The following SAMMSON variants were observed in gnomAD, a reference collection of about 807,000 sequenced individuals.
The protein encoded by SAMMSON is long intergenic non-protein coding RNA 1212.
intron 4 of SAMMSON, among the ~76,000 whole-genome samples, chr3:70,194,708 G>A (rs936746509): frequency 1.3e-5 from 2 of 152,144 alleles, no homozygotes; most frequent in African/African-American, 4.8e-5. Flanking sequence ...ATTCACATTT[G>A]AAATGCACAA....
At chr3:70,361,453 G>A (rs973295162) in intron 9 of SAMMSON, among the ~76,000 whole-genome samples, 1 of 152,136 alleles carries the variant, frequency 6.6e-6, no homozygotes, top group Non-Finnish European at 1.5e-5. Flanking sequence ...CTTTGTTCAT[G>A]TTTCCAGAAA....
rs544343626 is a variant in SAMMSON at position 70,245,862 on chromosome 3, C to T, written n.508-3245C>T. Among the ~76,000 whole-genome samples the T allele has an allele frequency of 3.9e-4, 59 of 150,938 alleles. No homozygotes were observed. The East Asian group carries it at 6.2e-3, about 16-fold the overall frequency. ...TACTGATGGTGTTAAAAACAATCTC[C>T]GCAGAAGAGGGCTGCCATTGCCAAT... On this transcript the variant is annotated intron_variant and non_coding_transcript_variant, in intron 4 of 9. Transcript: ENST00000642114.
intron 4 of SAMMSON, among the ~76,000 whole-genome samples, chr3:70,217,838 G>A (rs552071639): frequency 1.3e-5 from 2 of 152,250 alleles, no homozygotes; most frequent in East Asian, 3.9e-4. Flanking sequence ...GGGCTTGGGG[G>A]TGACATACTG....
intron 4 of SAMMSON, among the ~76,000 whole-genome samples, chr3:70,207,853 C>G (rs1174661220): frequency 1.3e-5 from 2 of 151,892 alleles, no homozygotes; most frequent in African/African-American, 4.8e-5. Flanking sequence ...GTCCTGGAAC[C>G]AGTTCCCCTC....
intron 8 of SAMMSON, among the ~76,000 whole-genome samples, chr3:70,357,492 A>T (rs1702838043): frequency 6.6e-6 from 1 of 152,112 alleles, no homozygotes. Flanking sequence ...TTTATTTTAA[A>T]AGTTGAGTGG....
intron 2 of SAMMSON, among the ~76,000 whole-genome samples, chr3:70,013,311 A>C (rs557978289): frequency 1.3e-5 from 2 of 152,296 alleles, no homozygotes; most frequent in African/African-American, 4.8e-5. Flanking sequence ...AGAAGCAATA[A>C]GAGTAGCCTC....
chr3:70,433,695 C>T (rs1444599621), intron 2 of SAMMSON, among the ~76,000 whole-genome samples: 1 of 151,900 alleles, frequency 6.6e-6, no homozygotes, highest in Non-Finnish European at 1.5e-5. Context: ...ATGGATTATG[C>T]TTTTCATATT....
intron 4 of SAMMSON, among the ~76,000 whole-genome samples, chr3:70,167,491 A>G (rs933231529): frequency 2.1e-4 from 32 of 152,004 alleles, no homozygotes; most frequent in African/African-American, 7.5e-4. Flanking sequence ...GCCTTTGGAC[A>G]CATTGTATTT....
rs551663919 is a variant in SAMMSON at position 70,093,634 on chromosome 3, G to C, written n.507+22069G>C. ...TCCTTCCAGCTGGATACAAGGGTGG[G>C]GTTTGGGTATGGTGCACAGAGATCC... On this transcript the variant is annotated intron_variant and non_coding_transcript_variant, in intron 4 of 9. Transcript: ENST00000642114. 3.3e-5 allele frequency among the ~76,000 whole-genome samples: 5 copies of C among 152,194 alleles called. No homozygotes were observed. The East Asian group carries it at 9.7e-4, about 29-fold the overall frequency.
At chr3:70,421,879 T>C (rs1701315679) in intron 2 of SAMMSON, among the ~76,000 whole-genome samples, 1 of 152,074 alleles carries the variant, frequency 6.6e-6, no homozygotes, top group Non-Finnish European at 1.5e-5. Flanking sequence ...CCTTAAGATA[T>C]TTGAAATGGC....
chr3:70,370,429 T>C (rs533770991), intron 9 of SAMMSON, among the ~76,000 whole-genome samples: 2 of 152,210 alleles, frequency 1.3e-5, no homozygotes, highest in East Asian at 3.9e-4. Context: ...CCATCAACAG[T>C]GTATAAGACT....
intron 2 of SAMMSON, among the ~76,000 whole-genome samples, chr3:70,399,469 T>C (rs939574688): frequency 6.6e-5 from 10 of 152,192 alleles, no homozygotes; most frequent in Non-Finnish European, 1.5e-4. Flanking sequence ...ACAGTGTGAT[T>C]TTCCCCAGGA....
intron 3 of SAMMSON, chr3:70,015,389 GA>G (rs1255056803): frequency 1.3e-5 from 2 of 151,660 alleles, no homozygotes; most frequent in African/African-American, 2.4e-5. Flanking sequence ...TGGATGGCCA[GA>G]AGTGCTGTTC....
chr3:70,218,031 T>C (rs986320441), intron 4 of SAMMSON, among the ~76,000 whole-genome samples: 1 of 152,134 alleles, frequency 6.6e-6, no homozygotes, highest in Admixed American at 6.6e-5. Context: ...GCAAATCATA[T>C]GCTTATTTTT....
At chr3:70,242,844 T>C (rs192126445) in intron 4 of SAMMSON, among the ~76,000 whole-genome samples, 1 of 152,216 alleles carries the variant, frequency 6.6e-6, no homozygotes, top group East Asian at 1.9e-4. Context: ...TGTGGAAATA[T>C]GGAGTATTTG....
At chr3:70,284,227 T>C (rs994510175) in intron 6 of SAMMSON, among the ~76,000 whole-genome samples, 2 of 152,184 alleles carry the variant, frequency 1.3e-5, no homozygotes, top group Admixed American at 1.3e-4. Flanking sequence ...AGAAATGTGT[T>C]AATAGTAATT....
intron 3 of SAMMSON, among the ~76,000 whole-genome samples, chr3:70,032,468 C>G: frequency 6.6e-6 from 1 of 152,152 alleles, no homozygotes; most frequent in East Asian, 1.9e-4. Flanking sequence ...TCTCTGTCTC[C>G]TTTACTTAGT....
chr3:70,175,650 TC>T (rs1559528421), intron 4 of SAMMSON, among the ~76,000 whole-genome samples: 1 of 152,188 alleles, frequency 6.6e-6, no homozygotes, highest in East Asian at 1.9e-4. Context: ...TTTGGATATA[TC>T]CCTTCTCTTA....
intron 1 of SAMMSON, among the ~76,000 whole-genome samples, chr3:70,003,595 A>T (rs1346992434): frequency 6.6e-6 from 1 of 151,850 alleles, no homozygotes. Context: ...AATGCTATTT[A>T]TTCTCTACTG....
Sources: gnomAD v4.1 joint callset for allele counts (sites outside exome capture counted in the v4.1 genomes callset) on GRCh38, gnomAD v4.1.1 for gene constraint, MANE v1.5 for transcripts, NCBI Gene and HGNC (gene_info 2026-07-23, HGNC 2026-07-21) for gene names.